The following PAXBP1 variants were observed in gnomAD, a reference collection of about 807,000 sequenced individuals.
PAXBP1 encodes the protein PAX3 and PAX7 binding protein 1.
In PAXBP1, 44 loss-of-function variants were observed where a neutral mutation model predicts 119.9. That is an observed-to-expected ratio of 0.37 (90% CI 0.29 to 0.47). The LOEUF (loss-of-function observed/expected upper bound fraction) is 0.47, where lower values mean the gene tolerates loss of function less well. Ranked by LOEUF, PAXBP1 falls within the 20% of genes least tolerant of loss-of-function variation. The probability of loss-of-function intolerance (pLI) is 0.99; values close to 1 mark genes in which losing one functional copy is unlikely to be tolerated. For missense variants in PAXBP1, 898 were observed against 1,134.1 expected (o/e 0.79, Z 2.99); for synonymous variants, 393 against 406.6 (o/e 0.97, Z 0.40).
chr21:32,749,005 T>C (rs183506860), intron 10 of PAXBP1, among the ~76,000 whole-genome samples: 64 of 152,276 alleles, frequency 4.2e-4, no homozygotes, highest in African/African-American at 1.5e-3. Context: ...TACGGTGTAT[T>C]AGCCATAAGT....
chr21:32,743,206 C>A, intron 15 of PAXBP1, 42 bp downstream of exon 15: 1 of 1,452,152 alleles, frequency 6.9e-7, no homozygotes, highest in South Asian at 1.2e-5. Flanking sequence ...TATATGAAGT[C>A]AAACGAAATC....
At chr21:32,759,464 G>C (rs1478760845) in intron 6 of PAXBP1, 195 bp from the exon 7 acceptor site, 1 of 666,528 alleles carries the variant, frequency 1.5e-6, no homozygotes, top group East Asian at 2.8e-5. Context: ...CAGTTTTGTG[G>C]GCTAACCAAA....
intron 4 of PAXBP1, among the ~76,000 whole-genome samples, chr21:32,761,866 C>CA (rs1026868975): frequency 2.6e-5 from 4 of 151,934 alleles, no homozygotes; most frequent in Non-Finnish European, 5.9e-5. Context: ...CCCATAACTA[C>CA]AAAAAAATTA....
At chr21:32,748,180 A>G (rs2043903289) in intron 11 of PAXBP1, among the ~76,000 whole-genome samples, 2 of 152,144 alleles carry the variant, frequency 1.3e-5, no homozygotes, top group African/African-American at 4.8e-5. Context: ...GAGTTCCTCT[A>G]GGATCAAAGG....
intron 8 of PAXBP1, 48 bp downstream of exon 8, chr21:32,755,182 T>C: frequency 4.5e-6 from 7 of 1,546,046 alleles, no homozygotes; most frequent in Non-Finnish European, 6.1e-6. Flanking sequence ...CTGCACTAAG[T>C]AAACAAGGTT....
chr21:32,767,611 C>T (rs528265832), intron 2 of PAXBP1, among the ~76,000 whole-genome samples: 1 of 152,262 alleles, frequency 6.6e-6, no homozygotes, highest in Non-Finnish European at 1.5e-5. Flanking sequence ...CTTTCCCGTG[C>T]CATTCTCATG....
Position 32,743,234 on chromosome 21 carries a change from C to A in PAXBP1, c.2334+14G>T. On this transcript the variant is annotated intron_variant, in intron 15 of 17. Coordinates refer to ENST00000331923, the MANE Select transcript of PAXBP1 (RefSeq NM_016631.4). ...ACGAAATCTGAGTCTTTTAGATAGT[C>A]TATGGACACGTACCTTAACTGAAGA... The A allele has an allele frequency of 6.4e-7, 1 of 1,563,602 alleles. No individual in the cohort carries two copies.
chr21:32,744,245 T>C (rs1035813894), intron 13 of PAXBP1, among the ~76,000 whole-genome samples: 3 of 108,344 alleles, frequency 2.8e-5, no homozygotes, highest in Non-Finnish European at 5.3e-5. Context: ...ATGACACTAA[T>C]GACAGCTGAT....
intron 3 of PAXBP1, among the ~76,000 whole-genome samples, chr21:32,762,864 T>C (rs1028663733): frequency 4.0e-5 from 6 of 148,396 alleles, no homozygotes; most frequent in Admixed American, 1.4e-4. Context: ...TGAGCCGAGA[T>C]TGCACCACTG....
At chr21:32,742,885 A>G (rs2043809667) in intron 15 of PAXBP1, 2 of 383,970 alleles carry the variant, frequency 5.2e-6, no homozygotes, top group Admixed American at 7.1e-5. Flanking sequence ...AGGAAAAAAC[A>G]GTATATATAG....
At chr21:32,738,848 A>AT (rs1402012125) in intron 15 of PAXBP1, among the ~76,000 whole-genome samples, 1 of 152,194 alleles carries the variant, frequency 6.6e-6, no homozygotes, top group African/African-American at 2.4e-5. Flanking sequence ...CCATCCCACC[A>AT]TAAAAACTTA....
intron 8 of PAXBP1, chr21:32,751,868 T>A (rs1164473906): frequency 6.6e-6 from 1 of 152,238 alleles, no homozygotes; most frequent in Non-Finnish European, 1.5e-5. Context: ...TCTAGGGTAA[T>A]TTCCTAGCTT....
intron 8 of PAXBP1, among the ~76,000 whole-genome samples, chr21:32,753,023 C>T (rs1328614499): frequency 6.6e-6 from 1 of 152,042 alleles, no homozygotes; most frequent in Non-Finnish European, 1.5e-5. Context: ...GCATCAATTA[C>T]AATGAAAAAT....
At chr21:32,769,317 TTCTAAGGAGTCTTCA>T (rs1408614910) in intron 2 of PAXBP1, among the ~76,000 whole-genome samples, 1 of 152,158 alleles carries the variant, frequency 6.6e-6, no homozygotes, top group Non-Finnish European at 1.5e-5. Flanking sequence ...TGCCTCATTA[TTCTAAGGAGTCTTCA>T]TCTAGTATCA....
chr21:32,753,132 T>G (rs1166866448), intron 8 of PAXBP1, among the ~76,000 whole-genome samples: 1 of 151,962 alleles, frequency 6.6e-6, no homozygotes, highest in Non-Finnish European at 1.5e-5. Context: ...AATTCCAGAC[T>G]CAAGAGTTTT....
intron 15 of PAXBP1, among the ~76,000 whole-genome samples, chr21:32,739,016 C>T (rs1027705674): frequency 7.2e-5 from 11 of 152,170 alleles, no homozygotes; most frequent in Non-Finnish European, 1.0e-4. Flanking sequence ...TGCCATCCTC[C>T]GAATCTGACC....
At chr21:32,763,405 G>A (rs1053642006) in intron 3 of PAXBP1, among the ~76,000 whole-genome samples, 3 of 152,192 alleles carry the variant, frequency 2.0e-5, no homozygotes, top group Admixed American at 2.0e-4. Context: ...ACTGGGTCAA[G>A]AGTAAGAACA....
intron 11 of PAXBP1, among the ~76,000 whole-genome samples, chr21:32,747,055 G>A (rs1174102214): frequency 7.1e-6 from 1 of 141,286 alleles, no homozygotes; most frequent in East Asian, 2.3e-4. Context: ...CACATACTGG[G>A]GAAAAACACA....
At position 32,743,668 on chromosome 21, in the gene PAXBP1, A is replaced by G. The variant is rs1482423433; in HGVS notation, c.2267+10T>C. 6.5e-7 allele frequency: 1 copy of G among 1,533,996 alleles called. No individual in the cohort carries two copies. Among genetic ancestry groups the G allele is most frequent in the Non-Finnish European group, 9.0e-7 (1 of 1,113,440 alleles). On this transcript the variant is annotated intron_variant, in intron 14 of 17. Transcript: ENST00000331923. ...GAATATTATCTTTAATGTTCTTCAG[A>G]GTTACTTACTTTTTGGGATATAAGG... is the stretch of plus-strand genomic sequence containing the variant.
Sources: gnomAD v4.1 joint callset for allele counts (sites outside exome capture counted in the v4.1 genomes callset) on GRCh38, gnomAD v4.1.1 for gene constraint, MANE v1.5 for transcripts, NCBI Gene and HGNC (gene_info 2026-07-23, HGNC 2026-07-21) for gene names.